CEP63: variants seen among roughly 807,000 people sequenced by gnomAD.
The protein encoded by CEP63 is centrosomal protein 63.
In CEP63, 84 loss-of-function variants were observed where a neutral mutation model predicts 89.1. The observed-to-expected ratio is 0.94, with a 90% confidence interval of 0.79 to 1.13. The LOEUF (loss-of-function observed/expected upper bound fraction) is 1.13, where lower values mean the gene tolerates loss of function less well. Among genes scored for constraint, CEP63 ranks in the 50% most tolerant of loss-of-function variants. The pLI, the probability that CEP63 is intolerant of heterozygous loss-of-function variation, is 0.00. For synonymous variants in CEP63, 267 were observed against 272.5 expected (o/e 0.98, Z 0.20); for missense variants, 838 against 813.3 (o/e 1.03, Z -0.37).
chr3:134,582,926 C>T (rs1336154573), intron 10 of CEP63, among the ~76,000 whole-genome samples: 1 of 152,172 alleles, frequency 6.6e-6, no homozygotes, highest in Non-Finnish European at 1.5e-5. Flanking sequence ...TCTCTGATGA[C>T]CAGTGATGAT....
At chr3:134,569,258 T>C (rs563642788), downstream of CEP63, among the ~76,000 whole-genome samples, 94 of 152,220 alleles carry the variant, frequency 6.2e-4, no homozygotes, top group Middle Eastern at 6.8e-3. Flanking sequence ...TCTCCAAAAG[T>C]CTTAACTTAT....
At chr3:134,749,487 T>A in the CEP63 span, among the ~76,000 whole-genome samples, 1 of 151,462 alleles carries the variant, frequency 6.6e-6, no homozygotes. Flanking sequence ...GGGAGGAGAA[T>A]GGAAGGAAAA....
At chr3:134,688,214 A>G in the CEP63 span, among the ~76,000 whole-genome samples, 14 of 152,224 alleles carry the variant, frequency 9.2e-5, no homozygotes, top group Non-Finnish European at 1.6e-4. Flanking sequence ...TATCCATACA[A>G]TAGATTACTA....
At chr3:134,701,413 CATATATAT>C in the CEP63 span, among the ~76,000 whole-genome samples, 6 of 47,794 alleles carry the variant, frequency 1.3e-4, no homozygotes, top group South Asian at 1.7e-3. Context: ...CATATACACA[CATATATAT>C]ACGTATATAT....
At chr3:134,660,017 G>A in the CEP63 span, among the ~76,000 whole-genome samples, 28 of 152,248 alleles carry the variant, frequency 1.8e-4, no homozygotes, top group Non-Finnish European at 3.7e-4. Context: ...CTAATAAGCC[G>A]CGGTCCTTAT....
At chr3:134,609,296 T>A in the CEP63 span, among the ~76,000 whole-genome samples, 2 of 152,190 alleles carry the variant, frequency 1.3e-5, no homozygotes, top group Non-Finnish European at 2.9e-5. Context: ...ACTGGAGTGC[T>A]GCCTCTCTGG....
the CEP63 span, among the ~76,000 whole-genome samples, chr3:134,717,594 CAT>C: frequency 3.3e-5 from 5 of 152,134 alleles, no homozygotes; most frequent in Non-Finnish European, 7.3e-5. Context: ...AGGCCAGTAA[CAT>C]AGTGTGTGTA....
the CEP63 span, among the ~76,000 whole-genome samples, chr3:134,664,481 G>T: frequency 6.6e-6 from 1 of 152,208 alleles, no homozygotes; most frequent in Non-Finnish European, 1.5e-5. Flanking sequence ...ATTTGGGATG[G>T]GAAGAGCAAG....
At chr3:134,580,049 G>C (rs1175171249) in intron 10 of CEP63, among the ~76,000 whole-genome samples, 1 of 152,132 alleles carries the variant, frequency 6.6e-6, no homozygotes, top group Non-Finnish European at 1.5e-5. Context: ...ACAAAAATTA[G>C]CTGGGCATGA....
At chr3:134,643,878 G>A in the CEP63 span, among the ~76,000 whole-genome samples, 2 of 149,164 alleles carry the variant, frequency 1.3e-5, no homozygotes, top group African/African-American at 4.9e-5. Flanking sequence ...CCAGGGTGAA[G>A]TGCAGTGGCG....
At chr3:134,558,452 A>T in intron 13 of CEP63, 105 bp downstream of exon 13, 2 of 839,966 alleles carry the variant, frequency 2.4e-6, no homozygotes, top group Middle Eastern at 3.5e-4. Flanking sequence ...TCATCAAAGG[A>T]CTCTATGTTT....
the CEP63 span, among the ~76,000 whole-genome samples, chr3:134,707,725 A>G: frequency 3.0e-5 from 4 of 132,304 alleles, no homozygotes; most frequent in African/African-American, 1.1e-4. Context: ...GTATTTGTGC[A>G]CTTTGATTCT....
chr3:134,507,287 G>T lies in CEP63; in HGVS notation c.222+1G>T. 1 of 1,604,770 alleles carries T rather than the reference G, an allele frequency of 6.2e-7. No individual in the cohort carries two copies. ...TCAGTTGGATGTGACACATAAGGAG[G>T]TAAAGCAATTTATTTGTTCTTCTTT... is the stretch of plus-strand genomic sequence containing the variant. On this transcript the variant is annotated splice_donor_variant, in intron 3 of 14. Transcript: ENST00000675561. LOFTEE classifies it high-confidence loss of function.
chr3:134,553,791 G>T (rs1295972334), intron 12 of CEP63, among the ~76,000 whole-genome samples: 1 of 152,110 alleles, frequency 6.6e-6, no homozygotes, highest in Non-Finnish European at 1.5e-5. Context: ...GTGTGTTTCT[G>T]ATTTTGATAG....
chr3:134,693,601 C>T, the CEP63 span, among the ~76,000 whole-genome samples: 4 of 152,178 alleles, frequency 2.6e-5, no homozygotes, highest in African/African-American at 7.2e-5. Context: ...GAAAAATATG[C>T]GCTCATTTAT....
chr3:134,590,741 A>AAG (rs1168037028), downstream of CEP63, among the ~76,000 whole-genome samples: 735 of 152,354 alleles, frequency 4.8e-3, 10 homozygotes, highest in African/African-American at 0.017. Flanking sequence ...GCATTTGCTT[A>AAG]GTTTTTTGCA....
At chr3:134,644,280 C>G in the CEP63 span, among the ~76,000 whole-genome samples, 1 of 152,220 alleles carries the variant, frequency 6.6e-6, no homozygotes, top group Admixed American at 6.5e-5. Context: ...TATTTCTGTC[C>G]CTGGGACACA....
At chr3:134,602,523 G>T in the CEP63 span, among the ~76,000 whole-genome samples, 2 of 152,188 alleles carry the variant, frequency 1.3e-5, no homozygotes, top group Middle Eastern at 3.2e-3. Context: ...GGCTTTGCTG[G>T]TAGAGACACT....
intron 3 of CEP63, among the ~76,000 whole-genome samples, chr3:134,517,604 T>C (rs531792568): frequency 5.3e-5 from 8 of 152,308 alleles, no homozygotes; most frequent in African/African-American, 1.9e-4. Context: ...TTCAAAAGCT[T>C]GACGTCACAG....
Sources: gnomAD v4.1 joint callset for allele counts (sites outside exome capture counted in the v4.1 genomes callset) on GRCh38, gnomAD v4.1.1 for gene constraint, MANE v1.5 for transcripts, NCBI Gene and HGNC (gene_info 2026-07-23, HGNC 2026-07-21) for gene names.